The following SLC41A3 variants were observed in gnomAD, a reference collection of about 807,000 sequenced individuals.
SLC41A3 encodes the protein solute carrier family 41 member 3.
Under a neutral mutation model 45.4 loss-of-function variants are expected in SLC41A3, and 44 were observed. The ratio of observed to expected loss-of-function variants is 0.97; its 90% CI spans 0.76 to 1.25. The LOEUF is 1.25. Among genes scored for constraint, SLC41A3 ranks in the 50% most tolerant of loss-of-function variants. The probability of loss-of-function intolerance (pLI) is 0.00; values close to 1 mark genes in which losing one functional copy is unlikely to be tolerated. For missense variants in SLC41A3, 550 were observed against 600.6 expected (o/e 0.92, Z 0.88); for synonymous variants, 256 against 252.4 (o/e 1.01, Z -0.13).
intron 3 of SLC41A3, among the ~76,000 whole-genome samples, chr3:126,043,072 C>T (rs998629117): frequency 2.2e-4 from 32 of 148,566 alleles, no homozygotes; most frequent in African/African-American, 7.9e-4. Context: ...GTAGGATAAA[C>T]TCAAAAAGAT....
At chr3:126,020,788 C>T (rs976275640) in intron 6 of SLC41A3, among the ~76,000 whole-genome samples, 5 of 152,238 alleles carry the variant, frequency 3.3e-5, no homozygotes, top group African/African-American at 4.8e-5. Flanking sequence ...ACTGTCTCCA[C>T]AATCCTTTTT....
intron 2 of SLC41A3, among the ~76,000 whole-genome samples, chr3:126,055,058 G>A (rs943374068): frequency 6.6e-6 from 1 of 152,140 alleles, no homozygotes; most frequent in Admixed American, 6.5e-5. Flanking sequence ...GAGGCTGGGT[G>A]GCCTGGTGGG....
At chr3:126,063,382 G>A (rs1035602456) in intron 2 of SLC41A3, among the ~76,000 whole-genome samples, 3 of 152,154 alleles carry the variant, frequency 2.0e-5, no homozygotes, top group Non-Finnish European at 4.4e-5. Flanking sequence ...CTTCACGGTG[G>A]GTGCTGCCGT....
intron 1 of SLC41A3, among the ~76,000 whole-genome samples, chr3:126,076,679 C>G (rs1277531954): frequency 6.6e-6 from 1 of 152,208 alleles, no homozygotes; most frequent in Non-Finnish European, 1.5e-5. Flanking sequence ...TCTCTGATAA[C>G]AACTCATTCC....
intron 2 of SLC41A3, among the ~76,000 whole-genome samples, chr3:126,060,419 C>CA (rs1210808414): frequency 1.0e-5 from 1 of 99,220 alleles, no homozygotes; most frequent in Non-Finnish European, 2.3e-5. Context: ...AACTCTGTCT[C>CA]AAAAAAAAAG....
At chr3:126,065,568 T>C (rs1374163990) in intron 2 of SLC41A3, among the ~76,000 whole-genome samples, 1 of 152,196 alleles carries the variant, frequency 6.6e-6, no homozygotes, top group Non-Finnish European at 1.5e-5. Context: ...TTTTTCTTCT[T>C]CATGGGAACA....
chr3:126,060,979 G>A (rs941763480), intron 2 of SLC41A3, among the ~76,000 whole-genome samples: 9 of 152,206 alleles, frequency 5.9e-5, no homozygotes, highest in African/African-American at 2.2e-4. Context: ...AGAACGTTGA[G>A]GACCACTGAT....
rs928556410 is a variant in SLC41A3, at chr3:126,016,938, C to T, written c.746-63G>A. On this transcript the variant is annotated intron_variant, in intron 6 of 10. Transcript: ENST00000360370. ...CAAGGCCAGCACACACAGGCTGGGC[C>T]TGGGTTTCACAAATGAGAGGTGGGT... The T allele has an allele frequency of 3.2e-6, 5 of 1,582,010 alleles. No individual in the cohort carries two copies. The Admixed American group carries it at 9.1e-5, about 29-fold the overall frequency.
intron 5 of SLC41A3, chr3:126,025,088 T>C (rs1941227117): frequency 6.6e-6 from 1 of 152,250 alleles, no homozygotes; most frequent in African/African-American, 2.4e-5. Context: ...CATAAGCTTA[T>C]TGTCTGCCCC....
chr3:126,070,123 A>G (rs1390026111), intron 1 of SLC41A3: 2 of 152,244 alleles, frequency 1.3e-5, no homozygotes, highest in Non-Finnish European at 2.9e-5. Flanking sequence ...AATTCCAAGT[A>G]GAGTAAACTC....
chr3:126,083,309 A>G (rs1368724552), intron 1 of SLC41A3, among the ~76,000 whole-genome samples: 1 of 152,198 alleles, frequency 6.6e-6, no homozygotes, highest in African/African-American at 2.4e-5. Context: ...TGGTCCTGGG[A>G]CCACAGTTTG....
chr3:126,028,842 A>G (rs1559830812), intron 4 of SLC41A3, among the ~76,000 whole-genome samples: 1 of 152,258 alleles, frequency 6.6e-6, no homozygotes, highest in Non-Finnish European at 1.5e-5. Flanking sequence ...GATGTGAGAC[A>G]TGGAGTTAAA....
intron 3 of SLC41A3, among the ~76,000 whole-genome samples, chr3:126,039,480 TG>T (rs1326800912): frequency 6.6e-6 from 1 of 152,178 alleles, no homozygotes. Context: ...ACCAGTGAGG[TG>T]AGGTGCCTCC....
intron 4 of SLC41A3, among the ~76,000 whole-genome samples, chr3:126,032,556 C>G (rs1297583401): frequency 6.6e-6 from 1 of 152,214 alleles, no homozygotes; most frequent in Non-Finnish European, 1.5e-5. Flanking sequence ...GGTGAAGTGA[C>G]TTGCCTGAGG....
In SLC41A3 at chr3:126,040,301, T is replaced by C. The variant is rs557908803; in HGVS notation, c.382-6623A>G. Among the ~76,000 whole-genome samples the C allele has an allele frequency of 4.6e-5, 7 of 152,264 alleles. No individual in the cohort carries two copies. In the South Asian group the frequency reaches 1.2e-3, roughly 27 times the overall value. On this transcript the variant is annotated intron_variant, in intron 3 of 10. Transcript: ENST00000360370. ...AGCATCACAGGATTCATTCTAGCAT[T>C]GAGGAGATCGTTTTTAAAATGCACA...
chr3:126,036,224 G>A (rs1942178341), intron 3 of SLC41A3, among the ~76,000 whole-genome samples: 1 of 152,268 alleles, frequency 6.6e-6, no homozygotes, highest in Admixed American at 6.5e-5. Context: ...CCAGCGCCAA[G>A]TATTCTCCAT....
At chr3:126,034,297 A>T (rs1437430552) in intron 3 of SLC41A3, among the ~76,000 whole-genome samples, 7 of 152,224 alleles carry the variant, frequency 4.6e-5, no homozygotes. Context: ...TTTATCCTTT[A>T]AAAATGGTTT....
Position 126,012,673 on chromosome 3 carries a change from G to A in SLC41A3, c.1047C>T (p.Val349=). The A allele has an allele frequency of 1.2e-6, 2 of 1,614,220 alleles. No homozygotes were observed. The highest frequency in any genetic ancestry group is 1.7e-6 in the Non-Finnish European group (2 of 1,180,044). ...TYLHMWSAPG[V]LPLQMKKFWP... is the part of the protein sequence containing the mutation. ...AGAATTTCTTCATCTGGAGGGGCAG[G>A]ACGCCAGGTGCACTCCACATGTGCA... Residue 349 remains valine, a synonymous_variant, in exon 9 of 11, where the codon GTC becomes GTT. Coordinates refer to ENST00000360370, the MANE Select transcript of SLC41A3 (RefSeq NM_017836.4).
In SLC41A3 at chr3:126,006,641, C is replaced by G; in HGVS notation, c.*375G>C. On this transcript the variant is annotated 3_prime_UTR_variant, in exon 11 of 11. Coordinates refer to ENST00000360370, the MANE Select transcript of SLC41A3 (RefSeq NM_017836.4). The stretch of plus-strand genomic sequence containing the variant: ...CAGAAAAGAGCTCCTTCCTGCTCCA[C>G]CCCAATCTGGGTTGCATGGGCATGG... 1.3e-6 allele frequency: 2 copies of G among 1,527,144 alleles called. No individual in the cohort carries two copies. The highest frequency in any genetic ancestry group is 1.7e-6 in the Non-Finnish European group (2 of 1,143,388). The allele number at this position is 1,527,144 out of a possible 1,614,324, so 94.6% of individuals were successfully genotyped here. A position where few individuals can be genotyped will look rare whatever the true frequency, so the allele number is the denominator to read the frequency against.
Sources: gnomAD v4.1 joint callset for allele counts (sites outside exome capture counted in the v4.1 genomes callset) on GRCh38, gnomAD v4.1.1 for gene constraint, MANE v1.5 for transcripts, NCBI Gene and HGNC (gene_info 2026-07-23, HGNC 2026-07-21) for gene names.